Variants in DNM1 observed in about 807,000 individuals in gnomAD.
DNM1 encodes the protein dynamin-1.
Under a neutral mutation model 104.6 loss-of-function variants are expected in DNM1, and 29 were observed. The ratio of observed to expected loss-of-function variants is 0.28; its 90% confidence interval spans 0.21 to 0.38. The LOEUF is 0.38. DNM1 is among the 10% of genes least tolerant of loss of function. DNM1 has a pLI of 1.00. For missense variants in DNM1, 640 were observed against 1,189.4 expected (o/e 0.54, Z 6.79); for synonymous variants, 445 against 475.8 (o/e 0.94, Z 0.84).
In DNM1 at chr9:128,243,726, T is replaced by C. The variant is rs1836550250; in HGVS notation, c.1671+1381T>C. ...TCCTTACTCAGGGCCAGGGAGACCA[T>C]GTGACCTGGGGCTGAGGGCCGGAGA... On this transcript the variant is annotated intron_variant, in intron 15 of 21. Coordinates refer to ENST00000372923, the MANE Select transcript of DNM1 (RefSeq NM_004408.4). The surrounding 1 kb of genome is among the most constrained non-coding windows in gnomAD (Gnocchi z 4.0). Among the ~76,000 whole-genome samples, 1 of 151,964 alleles carries C rather than the reference T, an allele frequency of 6.6e-6. No homozygotes were observed. The highest frequency in any genetic ancestry group is 2.1e-4 in the South Asian group (1 of 4,822).
Position 128,219,249 on chromosome 9 carries a change from C to T in DNM1, c.586C>T (p.Gln196Ter). The change falls in exon 4 of 22, where the codon CAG becomes TAG. Residue 196 changes from glutamine (Q) to a stop codon, truncating the protein, a stop_gained. Transcript: ENST00000372923. LOFTEE classifies it high-confidence loss of function. ...CAAGGTCGCCAAGGAGGTGGACCCC[C>T]AGGGTAGGTTCCCACCCGGTGGCCA... is the stretch of plus-strand genomic sequence containing the variant. ...ALKVAKEVDP[Q>*]GQRTIGVITK... is the part of the protein sequence containing the mutation. The T allele has an allele frequency of 6.2e-7, 1 of 1,614,024 alleles. No individual in the cohort carries two copies. Among genetic ancestry groups the T allele is most frequent in the Non-Finnish European group, 8.5e-7 (1 of 1,180,004 alleles).
chr9:128,228,455 A>G (rs1189405099), intron 10 of DNM1, among the ~76,000 whole-genome samples: 2 of 152,212 alleles, frequency 1.3e-5, no homozygotes, highest in African/African-American at 2.4e-5. Context: ...GTTTATAGGC[A>G]TGAGCCACCA....
chr9:128,247,873 G>A lies in DNM1; in HGVS notation c.1894-51G>A, dbSNP rs754135368. The A allele has an allele frequency of 1.2e-6, 2 of 1,607,934 alleles. No homozygotes were observed. The highest frequency in any genetic ancestry group is 1.7e-6 in the Non-Finnish European group (2 of 1,176,172). On this transcript the variant is annotated intron_variant, in intron 17 of 21. Transcript: ENST00000372923. This position sits in a 1 kb window ranked among gnomAD's most constrained non-coding sequence, Gnocchi z 5.1. ...TTTCCTCTCTGTGTTTCCTTCGGCT[G>A]TGCTCCCTGGTGGTGGCGGCGGTGG...
Position 128,224,069 on chromosome 9 carries a change from CAA to C in DNM1, c.1197-177_1197-176del. Reference sequence around the variant, plus strand: ...GTCTCAAAAAAAATAACAACAACAACAAAAAACCCTTCATTAGAACCCCTCCC... The same window carrying C: ...GTCTCAAAAAAAATAACAACAACAACAAAACCCTTCATTAGAACCCCTCCC... On this transcript the variant is annotated intron_variant, in intron 9 of 21. Transcript: ENST00000372923. This position sits in a 1 kb window ranked among gnomAD's most constrained non-coding sequence, Gnocchi z 4.3. 1.4e-6 allele frequency: 1 copy of C among 715,006 alleles called. No homozygotes were observed. Among genetic ancestry groups the C allele is most frequent in the Non-Finnish European group, 2.1e-6 (1 of 468,588 alleles). The allele number at this position is 715,006 out of a possible 1,614,324, so 44.3% of individuals were successfully genotyped here.
Position 128,224,350 on chromosome 9 carries a change from C to T in DNM1, c.1296C>T (p.Ile432=). 1 of 1,614,068 alleles carries T rather than the reference C, an allele frequency of 6.2e-7. No homozygotes were observed. Among genetic ancestry groups the T allele is most frequent in the Non-Finnish European group, 8.5e-7 (1 of 1,179,978 alleles). Residue 432 remains isoleucine (I), a synonymous_variant, in exon 10 of 22, where the codon ATC becomes ATT. Coordinates refer to ENST00000372923, the MANE Select transcript of DNM1 (RefSeq NM_004408.4). The surrounding 1 kb of genome is among the most constrained non-coding windows in gnomAD (Gnocchi z 4.3). ...GTCTCAAGTGTGTGGACATGGTTAT[C>T]TCGGAGCTAATCAGCACCGTTAGAC... ...EPCLKCVDMV[I]SELISTVRQC...
intron 11 of DNM1, among the ~76,000 whole-genome samples, 171 bp downstream of exon 11, chr9:128,234,278 A>T (rs1271194232): frequency 2.6e-5 from 4 of 152,214 alleles, no homozygotes; most frequent in Non-Finnish European, 5.9e-5. Flanking sequence ...GCAGTAAAAT[A>T]CACATAACAT....
Position 128,220,430 on chromosome 9 carries a change from A to G in DNM1, c.849+89A>G. 6.6e-7 allele frequency: 1 copy of G among 1,520,496 alleles called. No homozygotes were observed. Among genetic ancestry groups the G allele is most frequent in the South Asian group, 1.2e-5 (1 of 85,560 alleles). 94.2% of individuals were successfully genotyped at this position (1,520,496 alleles called of 1,614,324 possible). ...GTTCTGAGAGTGAACAGCAGAGGTT[A>G]GCCTCTCCGTAGTGCAGATAGACAA... On this transcript the variant is annotated intron_variant, in intron 6 of 21. Coordinates refer to ENST00000372923, the MANE Select transcript of DNM1 (RefSeq NM_004408.4). The surrounding 1 kb of genome is among the most constrained non-coding windows in gnomAD (Gnocchi z 5.2).
chr9:128,227,009 CTTT>C (rs369464140), intron 10 of DNM1, among the ~76,000 whole-genome samples: 9 of 101,770 alleles, frequency 8.8e-5, no homozygotes, highest in African/African-American at 4.3e-5. Context: ...ATCTCCATTC[CTTT>C]TTTTTTTTTT....
Position 128,219,231 on chromosome 9 carries a change from G to A in DNM1, c.568G>A (p.Ala190Thr). 2 of 1,614,126 alleles carry A rather than the reference G, an allele frequency of 1.2e-6. 1 individual carries two copies. Among genetic ancestry groups the A allele is most frequent in the Non-Finnish European group, 1.7e-6 (2 of 1,180,030 alleles). ...GGCCAATTCTGACGCCCTCAAGGTCGCCAAGGAGGTGGACCCCCAGGGTAG... is the reference window on the plus strand; with the variant it reads ...GGCCAATTCTGACGCCCTCAAGGTCACCAAGGAGGTGGACCCCCAGGGTAG... ...DLANSDALKV[A>T]KEVDPQGQRT... Residue 190 changes from alanine to threonine, a missense_variant, in exon 4 of 22, where the codon GCC becomes ACC. Ala to Thr is a moderately conservative substitution (Grantham distance 58, BLOSUM62 0). Around this residue, in one of 7 missense-constraint regions of DNM1, gnomAD observed 172 missense variants for 335.3 expected, o/e 0.51. Transcript: ENST00000372923.
At position 128,224,244 on chromosome 9, in the gene DNM1, C is replaced by T. The variant is rs41306488; in HGVS notation, c.1197-7C>T. ...CACTCTGCCCTTCTCCCGCTCCGGG[C>T]GTTCAGAACGGGGCTGTTTACCCCA... On this transcript the variant is annotated splice_region_variant and splice_polypyrimidine_tract_variant and intron_variant, in intron 9 of 21. Coordinates refer to ENST00000372923, the MANE Select transcript of DNM1 (RefSeq NM_004408.4). The surrounding 1 kb of genome is among the most constrained non-coding windows in gnomAD (Gnocchi z 4.3). 4,746 of 1,612,622 alleles carry T rather than the reference C, an allele frequency of 2.9e-3. 15 individuals carry two copies. The highest frequency in any genetic ancestry group is 3.4e-3 in the Non-Finnish European group (4,011 of 1,179,230).
rs1588377754 is a variant in DNM1 at position 128,224,587 on chromosome 9, G to A, written c.1335+198G>A. On this transcript the variant is annotated intron_variant, in intron 10 of 21. Coordinates refer to ENST00000372923, the MANE Select transcript of DNM1 (RefSeq NM_004408.4). The surrounding 1 kb of genome is among the most constrained non-coding windows in gnomAD (Gnocchi z 4.3). ...CCCACCCCTGGCCCCCAGGTCTGGG[G>A]ACCCAGGGATTGGACATGGGTGAGA... 6.6e-6 allele frequency among the ~76,000 whole-genome samples: 1 copy of A among 152,200 alleles called. No individual in the cohort carries two copies. The highest frequency in any genetic ancestry group is 2.1e-4 in the South Asian group (1 of 4,820).
chr9:128,248,774 G>C lies in DNM1; in HGVS notation c.2076+21G>C. 3 of 1,603,046 alleles carry C rather than the reference G, an allele frequency of 1.9e-6. No homozygotes were observed. Among genetic ancestry groups the C allele is most frequent in the Non-Finnish European group, 2.6e-6 (3 of 1,171,000 alleles). ...ACAATGTGCGTGCTCCACTGCATGGGGGCAGGGAAATCCTGTGGCACTGGG... is the reference window on the plus strand; with the variant it reads ...ACAATGTGCGTGCTCCACTGCATGGCGGCAGGGAAATCCTGTGGCACTGGG... On this transcript the variant is annotated intron_variant, in intron 19 of 21. Transcript: ENST00000372923. This position sits in a 1 kb window ranked among gnomAD's most constrained non-coding sequence, Gnocchi z 5.6.
chr9:128,245,710 G>T lies in DNM1; in HGVS notation c.1672-684G>T, dbSNP rs1221794213. ...TGCAAACATGTAGGCTCGCACAATT[G>T]CCACACACATCCACAAAGTGTGCAC... is the stretch of plus-strand genomic sequence containing the variant. On this transcript the variant is annotated intron_variant, in intron 15 of 21. Coordinates refer to ENST00000372923, the MANE Select transcript of DNM1 (RefSeq NM_004408.4). The surrounding 1 kb of genome is among the most constrained non-coding windows in gnomAD (Gnocchi z 5.2). Among the ~76,000 whole-genome samples, 3 of 152,142 alleles carry T rather than the reference G, an allele frequency of 2.0e-5. No individual in the cohort carries two copies. The highest frequency in any genetic ancestry group is 2.9e-5 in the Non-Finnish European group (2 of 68,022).
At position 128,254,083 on chromosome 9, in the gene DNM1, A is replaced by G. The variant is rs1000046045; in HGVS notation, c.2535-571A>G. On this transcript the variant is annotated intron_variant, in intron 21 of 21. Transcript: ENST00000372923. This position sits in a 1 kb window ranked among gnomAD's most constrained non-coding sequence, Gnocchi z 6.1. ...GCTCCCCTCTTAGACTTATAAGTCT[A>G]TGGCCACTGGCATCCGGCTGCCTGC... is the stretch of plus-strand genomic sequence containing the variant. The G allele has an allele frequency of 1.0e-5, 13 of 1,257,368 alleles. No homozygotes were observed. Among genetic ancestry groups the G allele is most frequent in the Middle Eastern group, 3.0e-4 (1 of 3,348 alleles). 77.9% of individuals were successfully genotyped at this position (1,257,368 alleles called of 1,614,324 possible). A position where few individuals can be genotyped will look rare whatever the true frequency, so the allele number is the denominator to read the frequency against.
chr9:128,216,700 G>T (rs1834626923), intron 1 of DNM1, among the ~76,000 whole-genome samples: 1 of 152,212 alleles, frequency 6.6e-6, no homozygotes, highest in East Asian at 1.9e-4. Context: ...TAGGAGCTCT[G>T]GGTCTAGTCT....
intron 21 of DNM1, chr9:128,252,968 G>A (rs775243662): frequency 3.4e-5 from 28 of 812,986 alleles, no homozygotes; most frequent in Non-Finnish European, 5.1e-5. Flanking sequence ...GTGTGTTAGC[G>A]TGTGCATGTG....
At position 128,220,558 on chromosome 9, in the gene DNM1, T is replaced by C. The variant is rs1834878512; in HGVS notation, c.849+217T>C. Among the ~76,000 whole-genome samples, 4 of 152,280 alleles carry C rather than the reference T, an allele frequency of 2.6e-5. No homozygotes were observed. In the South Asian group the frequency reaches 8.3e-4, roughly 32 times the overall value. Reference sequence around the variant, plus strand: ...TGTCTGGGACCTGCCAGGGAAGCCCTGGAAGTCCCCAACACAGAGAAGGCC... The same window carrying C: ...TGTCTGGGACCTGCCAGGGAAGCCCCGGAAGTCCCCAACACAGAGAAGGCC... On this transcript the variant is annotated intron_variant, in intron 6 of 21. Transcript: ENST00000372923. The surrounding 1 kb of genome is among the most constrained non-coding windows in gnomAD (Gnocchi z 5.2).
At chr9:128,250,980 G>C (rs1415420037) in intron 21 of DNM1, 40 bp downstream of exon 21, 2 of 1,193,586 alleles carry the variant, frequency 1.7e-6, no homozygotes, top group Admixed American at 2.4e-5. Context: ...GCTGCCGGAC[G>C]GGCGTGGCCG....
Position 128,216,994 on chromosome 9 carries a change from G to A in DNM1, c.162-1237G>A, listed in dbSNP as rs528648052. 1.7e-4 allele frequency among the ~76,000 whole-genome samples: 26 copies of A among 152,290 alleles called. 1 individual carries two copies. Among genetic ancestry groups the A allele is most frequent in the African/African-American group, 6.0e-4 (25 of 41,554 alleles). ...GAGAGGCCTTCACCCTTGTGCTTGC[G>A]CCAGCTGGAGGGTGGTGCAGAGGGA... On this transcript the variant is annotated intron_variant, in intron 1 of 21. Transcript: ENST00000372923.
Sources: gnomAD v4.1 joint callset for allele counts (sites outside exome capture counted in the v4.1 genomes callset) on GRCh38, gnomAD v4.1.1 for gene constraint, gnomAD v4.1.1 regional missense constraint, Gnocchi (gnomAD v3.1) non-coding constraint, MANE v1.5 for transcripts, NCBI Gene and HGNC (gene_info 2026-07-23, HGNC 2026-07-21) for gene names.